Variants in ACAA2 observed in about 807,000 individuals in gnomAD.
ACAA2 encodes the protein 3-ketoacyl-CoA thiolase, mitochondrial.
A neutral mutation model predicts 44.8 loss-of-function variants in ACAA2; 35 were observed. The observed-to-expected ratio is 0.78, with a 90% CI of 0.60 to 1.04. The LOEUF is 1.04. ACAA2 is among the 50% of genes least tolerant of loss of function. The pLI is 0.00. For synonymous variants in ACAA2, 142 were observed against 166.5 expected (o/e 0.85, Z 1.13); for missense variants, 468 against 482.6 (o/e 0.97, Z 0.28).
chr18:49,790,584 T>C (rs762553178), intron 7 of ACAA2, among the ~76,000 whole-genome samples: 14 of 152,238 alleles, frequency 9.2e-5, no homozygotes, highest in Non-Finnish European at 1.9e-4. Flanking sequence ...AGGTGGGATA[T>C]ATCAAAGTTA....
At chr18:49,794,866 C>T (rs2023447928) in intron 4 of ACAA2, among the ~76,000 whole-genome samples, 1 of 152,142 alleles carries the variant, frequency 6.6e-6, no homozygotes, top group Non-Finnish European at 1.5e-5. Context: ...CATCCTGCGC[C>T]TCAGTGACAG....
chr18:49,785,489 A>G, intron 8 of ACAA2, 138 bp from the exon 9 acceptor site: 5 of 793,914 alleles, frequency 6.3e-6, no homozygotes, highest in Non-Finnish European at 1.0e-5. Context: ...TTTTATCTAC[A>G]ATCATTCTGC....
chr18:49,783,680 C>T lies in ACAA2; in HGVS notation c.*167G>A. 3.5e-6 allele frequency: 2 copies of T among 578,058 alleles called. No individual in the cohort carries two copies. The highest frequency in any genetic ancestry group is 3.0e-5 in the Admixed American group (1 of 33,544). The allele number at this position is 578,058 out of a possible 1,614,324, so 35.8% of individuals were successfully genotyped here. On this transcript the variant is annotated 3_prime_UTR_variant, in exon 10 of 10. Coordinates refer to ENST00000285093, the MANE Select transcript of ACAA2 (RefSeq NM_006111.3). Reference sequence around the variant, plus strand: ...AGAGAATGTACTTCTAGCATGGGCTCCTATTCATGATCAATGCATTTTTGT... The same window carrying T: ...AGAGAATGTACTTCTAGCATGGGCTTCTATTCATGATCAATGCATTTTTGT...
chr18:49,798,174 G>C lies in ACAA2; in HGVS notation c.184-580C>G, dbSNP rs868847071. Among the ~76,000 whole-genome samples, 4 of 152,308 alleles carry C rather than the reference G, an allele frequency of 2.6e-5. No homozygotes were observed. The South Asian group carries it at 8.3e-4, about 32-fold the overall frequency. On this transcript the variant is annotated intron_variant, in intron 2 of 9. Coordinates refer to ENST00000285093, the MANE Select transcript of ACAA2 (RefSeq NM_006111.3). ...AATCAATTAAACCAGAAAGGCTGGA[G>C]GTGGGGCCTGGGCATCAGTAGTCAC...
At chr18:49,810,084 C>G (rs1758655189) in intron 1 of ACAA2, among the ~76,000 whole-genome samples, 1 of 152,032 alleles carries the variant, frequency 6.6e-6, no homozygotes, top group African/African-American at 2.4e-5. Flanking sequence ...AAAACACGGG[C>G]AGAACCTCAA....
At chr18:49,792,730 G>A (rs963252739) in intron 5 of ACAA2, among the ~76,000 whole-genome samples, 13 of 152,130 alleles carry the variant, frequency 8.5e-5, no homozygotes, top group African/African-American at 2.7e-4. Context: ...ACAGATATGA[G>A]CCACCACGCT....
chr18:49,793,752 G>T (rs891284061), intron 5 of ACAA2, among the ~76,000 whole-genome samples: 2 of 152,186 alleles, frequency 1.3e-5, no homozygotes, highest in Non-Finnish European at 1.5e-5. Flanking sequence ...ATAGCAACCT[G>T]CTGTGCTACA....
In ACAA2 at chr18:49,783,929, CGCCTGAAAAAGAAAGCAGT is replaced by C. The variant is rs773892813; in HGVS notation, c.1110-17_1111del. 1 of 1,613,826 alleles carries C rather than the reference CGCCTGAAAAAGAAAGCAGT, an allele frequency of 6.2e-7. No individual in the cohort carries two copies. On this transcript the variant is annotated splice_acceptor_variant and splice_polypyrimidine_tract_variant and coding_sequence_variant and intron_variant, in exon 10 of 10. Transcript: ENST00000285093. LOFTEE classifies it high-confidence loss of function. ...TCCAACGGCATATTTTCCACCTCGA[CGCCTGAAAAAGAAAGCAGT>C]GACTGAAATCTACTCTAATAAAAAA... is the stretch of plus-strand genomic sequence containing the variant.
intron 5 of ACAA2, among the ~76,000 whole-genome samples, chr18:49,792,982 T>A (rs1004006620): frequency 6.6e-6 from 1 of 152,214 alleles, no homozygotes; most frequent in Non-Finnish European, 1.5e-5. Flanking sequence ...TAACCACAAT[T>A]TTTTTTCACC....
At chr18:49,803,282 A>AATAATG (rs2023577825) in intron 1 of ACAA2, among the ~76,000 whole-genome samples, 1 of 149,730 alleles carries the variant, frequency 6.7e-6, no homozygotes, top group Non-Finnish European at 1.5e-5. Flanking sequence ...TAATAATAAT[A>AATAATG]TCAATCCCTG....
At chr18:49,804,633 G>T (rs1471544149) in intron 1 of ACAA2, among the ~76,000 whole-genome samples, 1 of 152,114 alleles carries the variant, frequency 6.6e-6, no homozygotes, top group Non-Finnish European at 1.5e-5. Flanking sequence ...TAGAATATAA[G>T]AATATAACAA....
intron 1 of ACAA2, among the ~76,000 whole-genome samples, chr18:49,804,309 A>C (rs528492357): frequency 3.9e-4 from 60 of 152,300 alleles, no homozygotes; most frequent in Non-Finnish European, 8.1e-4. Context: ...ACAGATAGAG[A>C]TGTAGTTTCT....
chr18:49,811,203 G>A (rs2023666333), intron 1 of ACAA2, among the ~76,000 whole-genome samples: 1 of 151,976 alleles, frequency 6.6e-6, no homozygotes, highest in South Asian at 2.1e-4. Flanking sequence ...AAAGGCCCTG[G>A]AAAGATGTGC....
chr18:49,797,362 C>A, intron 3 of ACAA2, 104 bp downstream of exon 3: 2 of 1,071,548 alleles, frequency 1.9e-6, no homozygotes, highest in South Asian at 3.4e-5. Context: ...ACCTCCAGGG[C>A]TCAAGCAATC....
chr18:49,795,680 T>C, intron 4 of ACAA2, 85 bp downstream of exon 4: 1 of 754,640 alleles, frequency 1.3e-6, no homozygotes, highest in Non-Finnish European at 2.0e-6. Flanking sequence ...AAAATTAGTT[T>C]TCTCTCCCAT....
At position 49,783,402 on chromosome 18, in the gene ACAA2, G is replaced by GA. The variant is rs1056561905; in HGVS notation, c.*444dup. 6.5e-6 allele frequency: 1 copy of GA among 154,686 alleles called. No individual in the cohort carries two copies. Among genetic ancestry groups the GA allele is most frequent in the Non-Finnish European group, 1.4e-5 (1 of 69,462 alleles). The allele number at this position is 154,686 out of a possible 1,614,324, so 9.6% of individuals were successfully genotyped here. ...AAATGTGAATGTACTTAATACCAGTGAATTGTACGCTAAAAAAGGGTTAAG... is the reference window on the plus strand; with the variant it reads ...AAATGTGAATGTACTTAATACCAGTGAAATTGTACGCTAAAAAAGGGTTAAG... On this transcript the variant is annotated 3_prime_UTR_variant, in exon 10 of 10. Coordinates refer to ENST00000285093, the MANE Select transcript of ACAA2 (RefSeq NM_006111.3).
chr18:49,797,053 C>T (rs1176127329), intron 3 of ACAA2, among the ~76,000 whole-genome samples: 1 of 151,938 alleles, frequency 6.6e-6, no homozygotes, highest in African/African-American at 2.4e-5. Context: ...GTGATGCAAC[C>T]ATTACCATCA....
intron 1 of ACAA2, 74 bp from the exon 2 acceptor site, chr18:49,802,927 T>G (rs2023572145): frequency 2.0e-6 from 3 of 1,502,056 alleles, no homozygotes; most frequent in African/African-American, 2.7e-5. Context: ...ATAATCTCAC[T>G]GTGAAACCTT....
In ACAA2 at chr18:49,797,446, T is replaced by A. The variant is rs1350573925; in HGVS notation, c.312+20A>T. 1.3e-6 allele frequency: 2 copies of A among 1,591,028 alleles called. No individual in the cohort carries two copies. The highest frequency in any genetic ancestry group is 1.7e-6 in the Non-Finnish European group (2 of 1,172,350). On this transcript the variant is annotated intron_variant, in intron 3 of 9. Transcript: ENST00000285093. ...ACTATTAACATATTTTCAGAGAATT[T>A]AAAAAAATGTTGTCCATACCTGACA...
Sources: allele counts gnomAD v4.1 joint callset (sites outside exome capture counted in the v4.1 genomes callset), GRCh38; gene constraint gnomAD v4.1.1; transcripts MANE v1.5; gene names NCBI Gene and HGNC (gene_info 2026-07-23, HGNC 2026-07-21).